PDZD7: variants seen among roughly 807,000 people sequenced by gnomAD.
PDZD7 encodes PDZ domain-containing protein 7.
PDZD7 carries 72 observed loss-of-function variants against 84.7 expected under a neutral mutation model. The ratio of observed to expected loss-of-function variants is 0.85; its 90% CI spans 0.70 to 1.03. PDZD7 has a LOEUF of 1.03. PDZD7 is among the 50% of genes least tolerant of loss of function. The pLI is 0.00. For synonymous variants in PDZD7, 594 were observed against 580.7 expected (o/e 1.02, Z -0.33); for missense variants, 1,490 against 1,412.9 (o/e 1.05, Z -0.87).
At chr10:101,030,675 G>T (rs1158967480) in intron 1 of PDZD7, 19 of 320,006 alleles carry the variant, frequency 5.9e-5, no homozygotes, top group Non-Finnish European at 8.0e-5. Flanking sequence ...GATTACTGCG[G>T]GCCCTGGGGC....
At chr10:101,018,015 G>C (rs1407439704) in intron 9 of PDZD7, 84 bp downstream of exon 9, 3 of 1,553,488 alleles carry the variant, frequency 1.9e-6, no homozygotes, top group Non-Finnish European at 2.7e-6. Flanking sequence ...GTAAGACGCG[G>C]TGTGGGATCT....
At chr10:101,025,430 G>C (rs910374929) in intron 2 of PDZD7, among the ~76,000 whole-genome samples, 1 of 151,826 alleles carries the variant, frequency 6.6e-6, no homozygotes, top group Non-Finnish European at 1.5e-5. Flanking sequence ...GGCTGGTCTT[G>C]AACTCCTGAC....
chr10:101,022,580 T>A (rs1853178567), intron 4 of PDZD7, among the ~76,000 whole-genome samples, 195 bp from the exon 5 acceptor site: 1 of 151,212 alleles, frequency 6.6e-6, no homozygotes, highest in African/African-American at 2.4e-5. Flanking sequence ...GCAGCTGCAA[T>A]GTGCCAGGAC....
At chr10:101,015,288 T>TTC (rs1852564452) in intron 11 of PDZD7, among the ~76,000 whole-genome samples, 1 of 152,162 alleles carries the variant, frequency 6.6e-6, no homozygotes, top group African/African-American at 2.4e-5. Flanking sequence ...TGTCCGCTCC[T>TTC]TCTCTTCTCA....
At chr10:101,024,461 C>CT (rs35613701) in intron 2 of PDZD7, among the ~76,000 whole-genome samples, 47,713 of 151,896 alleles carry the variant, frequency 0.31, 10,290 homozygotes, top group African/African-American at 0.62. Flanking sequence ...CCAGACTGGC[C>CT]CAAATCCCTG....
At chr10:101,023,294 G>T in intron 4 of PDZD7, 142 bp downstream of exon 4, 2 of 938,588 alleles carry the variant, frequency 2.1e-6, no homozygotes, top group Non-Finnish European at 3.3e-6. Context: ...TTATTTTGAG[G>T]TCAGGCCTTT....
rs1285331184 is a variant in PDZD7 at position 101,010,662 on chromosome 10, G to A, written c.2227C>T (p.Pro743Ser). The change falls in exon 15 of 17, where the codon CCC becomes TCC. Residue 743 changes from proline (P) to serine (S), a missense_variant. By Grantham distance (74) the Pro-to-Ser change is moderately conservative. Transcript: ENST00000619208. ...AGCCAGTTAGGCCGCAGGGGCCGGG[G>A]AGCCACGGGGGGTAGCTGGGGAGGG... ...TPPPQLPPVA[P>S]RPLRPNWLLT... The A allele has an allele frequency of 6.6e-7, 1 of 1,517,686 alleles. No individual in the cohort carries two copies. The highest frequency in any genetic ancestry group is 2.5e-5 in the East Asian group (1 of 40,496). 94.0% of individuals were successfully genotyped at this position (1,517,686 alleles called of 1,614,324 possible).
intron 16 of PDZD7, 61 bp from the exon 17 acceptor site, chr10:101,008,911 A>T: frequency 6.9e-7 from 1 of 1,442,068 alleles, no homozygotes; most frequent in Non-Finnish European, 9.1e-7. Flanking sequence ...TCAGCCCCCA[A>T]CCTGAAGGCA....
chr10:101,017,860 AAAG>A (rs1186024026), intron 9 of PDZD7: 36 of 410,380 alleles, frequency 8.8e-5, no homozygotes, highest in African/African-American at 1.8e-4. Flanking sequence ...AGAAAGAAAG[AAAG>A]AAAGAAAGAA....
intron 7 of PDZD7, among the ~76,000 whole-genome samples, chr10:101,019,799 T>C (rs1213162003): frequency 2.0e-5 from 3 of 151,928 alleles, no homozygotes; most frequent in African/African-American, 4.8e-5. Flanking sequence ...CTAATTTTTG[T>C]ATTTTTAGTA....
chr10:101,018,680 G>A (rs999018816), intron 8 of PDZD7, 142 bp downstream of exon 8: 11 of 1,121,328 alleles, frequency 9.8e-6, no homozygotes, highest in Non-Finnish European at 1.4e-5. Context: ...CCACAGCAGG[G>A]TCTGAGCAGC....
intron 11 of PDZD7, among the ~76,000 whole-genome samples, chr10:101,014,201 G>C (rs558673008): frequency 3.3e-5 from 5 of 152,222 alleles, no homozygotes; most frequent in African/African-American, 9.6e-5. Context: ...CAGCTGTAGA[G>C]AGATGGCTCA....
intron 4 of PDZD7, chr10:101,023,109 C>T (rs1853222607): frequency 4.8e-5 from 7 of 144,642 alleles, no homozygotes; most frequent in Non-Finnish European, 6.4e-5. Context: ...GAGAAGGGGT[C>T]TTGCTATGTT....
At chr10:101,017,597 C>T in intron 9 of PDZD7, 1 of 701,416 alleles carries the variant, frequency 1.4e-6, no homozygotes, top group Non-Finnish European at 2.6e-6. Flanking sequence ...GCCTGGGCAA[C>T]AGGGTGAAAC....
intron 7 of PDZD7, 123 bp downstream of exon 7, chr10:101,020,495 C>A: frequency 1.1e-6 from 1 of 920,072 alleles, no homozygotes; most frequent in Non-Finnish European, 1.7e-6. Flanking sequence ...ACCTCAGCCT[C>A]CCAAAATGCT....
chr10:101,029,107 G>C (rs933771419), intron 2 of PDZD7, among the ~76,000 whole-genome samples: 12 of 152,230 alleles, frequency 7.9e-5, no homozygotes, highest in African/African-American at 9.6e-5. Context: ...AGAAAGCTCA[G>C]ACTCAGGGGG....
At chr10:101,014,476 C>A in intron 11 of PDZD7, among the ~76,000 whole-genome samples, 1 of 152,254 alleles carries the variant, frequency 6.6e-6, no homozygotes, top group African/African-American at 2.4e-5. Flanking sequence ...CCAAAGCCTG[C>A]ATTGCCGGCC....
rs774974746 is a variant in PDZD7 at position 101,011,782 on chromosome 10, G to A, written c.1934-21C>T. On this transcript the variant is annotated intron_variant, in intron 13 of 16. Transcript: ENST00000619208. ...CCGGACTGGTTGGAGAGATGAACAG[G>A]TCAGCGGCAAGGTACCCCGCCAGGC... 1.3e-5 allele frequency: 20 copies of A among 1,550,296 alleles called. 1 individual carries two copies. In the South Asian group the frequency reaches 2.3e-4, roughly 18 times the overall value.
At chr10:101,027,234 C>T (rs1430773048) in intron 2 of PDZD7, among the ~76,000 whole-genome samples, 1 of 152,044 alleles carries the variant, frequency 6.6e-6, no homozygotes, top group African/African-American at 2.4e-5. Context: ...CCTGGGCTTT[C>T]CTCTGCCCAC....
Sources: gnomAD v4.1 joint callset for allele counts (sites outside exome capture counted in the v4.1 genomes callset) on GRCh38, gnomAD v4.1.1 for gene constraint, MANE v1.5 for transcripts, NCBI Gene and HGNC (gene_info 2026-07-23, HGNC 2026-07-21) for gene names.